Variants in ATF1 observed in about 807,000 individuals in gnomAD.
ATF1 encodes cyclic AMP-dependent transcription factor ATF-1.
Under a neutral mutation model 34.7 loss-of-function variants are expected in ATF1, and 16 were observed. The ratio of observed to expected loss-of-function variants is 0.46; its 90% CI spans 0.31 to 0.70. The LOEUF (loss-of-function observed/expected upper bound fraction) is 0.70. ATF1 is among the 30% of genes least tolerant of loss of function. The pLI, the probability that ATF1 is intolerant of heterozygous loss-of-function variation, is 0.05. For synonymous variants in ATF1, 105 were observed against 113.1 expected (o/e 0.93, Z 0.46); for missense variants, 255 against 321.6 (o/e 0.79, Z 1.58).
chr12:50,796,632 C>T (rs373794165), intron 3 of ATF1, among the ~76,000 whole-genome samples: 4 of 150,064 alleles, frequency 2.7e-5, no homozygotes, highest in South Asian at 2.1e-4. Flanking sequence ...ACCTGGGAGG[C>T]GGAGGTTGCA....
intron 1 of ATF1, among the ~76,000 whole-genome samples, chr12:50,766,370 G>C (rs1193786249): frequency 6.6e-6 from 1 of 152,148 alleles, no homozygotes. Flanking sequence ...GCTAAGAACA[G>C]GTTTGGCACT....
rs1375584022 is a variant in ATF1, at chr12:50,819,632, T to A, written c.672-3T>A. 2 of 1,611,398 alleles carry A rather than the reference T, an allele frequency of 1.2e-6. No homozygotes were observed. Among genetic ancestry groups the A allele is most frequent in the African/African-American group, 2.7e-5 (2 of 74,916 alleles). On this transcript the variant is annotated splice_polypyrimidine_tract_variant and splice_region_variant and intron_variant, in intron 6 of 6. Transcript: ENST00000262053. ...ACATTGTTTTTTTAATGCTCATATT[T>A]AGAGAAGCTGCTCGAGAATGTCGCA... is the stretch of plus-strand genomic sequence containing the variant.
At position 50,770,789 on chromosome 12, in the gene ATF1, G is replaced by A. The variant is rs772212583; in HGVS notation, c.-7+6482G>A. The stretch of plus-strand genomic sequence containing the variant: ...TTTCTGCAATTTAGGCTAACCCTGC[G>A]TATTCTTGTAAACCAACCAGTAATC... On this transcript the variant is annotated intron_variant, in intron 1 of 6. Transcript: ENST00000262053. 1.6e-4 allele frequency among the ~76,000 whole-genome samples: 25 copies of A among 152,116 alleles called. 1 individual carries two copies. The highest frequency in any genetic ancestry group is 8.3e-4 in the South Asian group (4 of 4,832).
intron 3 of ATF1, among the ~76,000 whole-genome samples, chr12:50,802,443 T>C (rs1941530389): frequency 6.6e-6 from 1 of 152,214 alleles, no homozygotes; most frequent in Non-Finnish European, 1.5e-5. Context: ...GATAATCGCT[T>C]GAACCTGGGA....
chr12:50,819,029 A>AGTCAT (rs1456114677), intron 6 of ATF1, among the ~76,000 whole-genome samples: 2 of 152,264 alleles, frequency 1.3e-5, no homozygotes, highest in Non-Finnish European at 2.9e-5. Flanking sequence ...AAATAAAAGA[A>AGTCAT]GTCATGTGTC....
At chr12:50,808,783 A>G (rs1205650614) in intron 3 of ATF1, among the ~76,000 whole-genome samples, 2 of 150,160 alleles carry the variant, frequency 1.3e-5, no homozygotes, top group Non-Finnish European at 3.0e-5. Flanking sequence ...TCTGTCGCCC[A>G]GGCTGGAGTG....
intron 2 of ATF1, among the ~76,000 whole-genome samples, chr12:50,788,488 GT>G (rs796614717): frequency 7.3e-4 from 104 of 142,084 alleles, no homozygotes; most frequent in South Asian, 2.0e-3. Flanking sequence ...ACCTGGCCCT[GT>G]TTTTTTTTTT....
chr12:50,774,552 C>T (rs1592167954), intron 1 of ATF1, among the ~76,000 whole-genome samples: 1 of 152,070 alleles, frequency 6.6e-6, no homozygotes, highest in South Asian at 2.1e-4. Context: ...TGCATTCGTA[C>T]ATATAAAATT....
chr12:50,810,709 A>G (rs1191969447), intron 4 of ATF1, among the ~76,000 whole-genome samples: 1 of 152,058 alleles, frequency 6.6e-6, no homozygotes, highest in East Asian at 1.9e-4. Flanking sequence ...CACTCCTAAC[A>G]TTAATCTGTT....
At chr12:50,809,412 A>T in intron 3 of ATF1, 44 bp from the exon 4 acceptor site, 2 of 1,436,676 alleles carry the variant, frequency 1.4e-6, no homozygotes, top group South Asian at 2.6e-5. Context: ...TTGTGAAGTC[A>T]TTCACATTAC....
At chr12:50,790,197 ATTT>A (rs71086483) in intron 2 of ATF1, among the ~76,000 whole-genome samples, 1 of 119,380 alleles carries the variant, frequency 8.4e-6, no homozygotes, top group Admixed American at 9.3e-5. Flanking sequence ...TGTGGGTTCT[ATTT>A]TTTTTTTTTT....
At chr12:50,810,548 G>T (rs1480699338) in intron 4 of ATF1, among the ~76,000 whole-genome samples, 3 of 152,118 alleles carry the variant, frequency 2.0e-5, no homozygotes, top group Non-Finnish European at 4.4e-5. Flanking sequence ...AATATTTATT[G>T]TTTGATTTAT....
intron 1 of ATF1, among the ~76,000 whole-genome samples, chr12:50,764,981 C>T (rs767298087): frequency 7.9e-5 from 12 of 152,348 alleles, no homozygotes; most frequent in African/African-American, 2.6e-4. Flanking sequence ...GGGTGACTTT[C>T]TCTTTGATCT....
chr12:50,763,639 T>TAATA (rs1231421663), upstream of ATF1: 4 of 77,248 alleles, frequency 5.2e-5, no homozygotes, highest in African/African-American at 2.2e-4. Flanking sequence ...AGACTCCATC[T>TAATA]AAAAAAAAAA....
intron 2 of ATF1, among the ~76,000 whole-genome samples, chr12:50,785,069 T>TAAATA (rs935361197): frequency 2.0e-4 from 28 of 138,438 alleles, no homozygotes; most frequent in African/African-American, 6.6e-4. Flanking sequence ...TGTGGAGTTT[T>TAAATA]AAATAAAGGA....
At chr12:50,805,665 T>C (rs1005139770) in intron 3 of ATF1, among the ~76,000 whole-genome samples, 4 of 152,090 alleles carry the variant, frequency 2.6e-5, no homozygotes, top group African/African-American at 9.7e-5. Context: ...ATTAATATTT[T>C]CAAGCATGAA....
At chr12:50,779,961 TG>T (rs1377820760) in intron 1 of ATF1, among the ~76,000 whole-genome samples, 178 bp from the exon 2 acceptor site, 2 of 152,202 alleles carry the variant, frequency 1.3e-5, no homozygotes, top group African/African-American at 4.8e-5. Context: ...AACATGTTTT[TG>T]TGGGCCAAAA....
At chr12:50,803,816 GAAAATATTA>G (rs924764170) in intron 3 of ATF1, among the ~76,000 whole-genome samples, 1 of 152,200 alleles carries the variant, frequency 6.6e-6, no homozygotes, top group African/African-American at 2.4e-5. Flanking sequence ...GATAAACCTT[GAAAATATTA>G]AACTAAAAGA....
At chr12:50,772,254 A>G (rs796237093) in intron 1 of ATF1, among the ~76,000 whole-genome samples, 5 of 151,764 alleles carry the variant, frequency 3.3e-5, no homozygotes, top group African/African-American at 1.2e-4. Flanking sequence ...CTGGGATTAC[A>G]GGAATGAGCC....
Sources: allele counts gnomAD v4.1 joint callset (sites outside exome capture counted in the v4.1 genomes callset), GRCh38; gene constraint gnomAD v4.1.1; transcripts MANE v1.5; gene names NCBI Gene and HGNC (gene_info 2026-07-23, HGNC 2026-07-21).